The following SEL1L3 variants were observed in gnomAD, a reference collection of about 807,000 sequenced individuals.
SEL1L3 encodes the protein SEL1L family member 3, also known as protein sel-1 homolog 3.
A neutral mutation model predicts 142.8 loss-of-function variants in SEL1L3; 76 were observed. The observed-to-expected ratio is 0.53, with a 90% confidence interval of 0.44 to 0.64. The LOEUF (loss-of-function observed/expected upper bound fraction) is 0.64. Among genes scored for constraint, SEL1L3 ranks in the 30% least tolerant of loss-of-function variants. The pLI is 0.00. For synonymous variants in SEL1L3, 504 were observed against 519.6 expected, an observed-to-expected ratio of 0.97 and a Z score of 0.41; for missense variants, 1,262 against 1,381.7, an observed-to-expected ratio of 0.91 and a Z score of 1.37.
intron 20 of SEL1L3, among the ~76,000 whole-genome samples, chr4:25,762,652 A>G (rs1577566353): frequency 6.6e-6 from 1 of 152,196 alleles, no homozygotes; most frequent in East Asian, 1.9e-4. Flanking sequence ...AATAAAATGC[A>G]CACAATCCTA....
intron 1 of SEL1L3, among the ~76,000 whole-genome samples, chr4:25,851,554 A>C (rs1577698638): frequency 6.6e-6 from 1 of 152,114 alleles, no homozygotes; most frequent in East Asian, 1.9e-4. Flanking sequence ...TGTGTACTAC[A>C]CAATTTTTTT....
intron 20 of SEL1L3, among the ~76,000 whole-genome samples, chr4:25,760,409 C>T (rs144133821): frequency 1.3e-5 from 2 of 152,168 alleles, no homozygotes; most frequent in African/African-American, 4.8e-5. Flanking sequence ...CATAACAGAA[C>T]GATTTATATT....
intron 2 of SEL1L3, among the ~76,000 whole-genome samples, chr4:25,846,916 A>G (rs369500907): frequency 5.3e-5 from 8 of 150,198 alleles, no homozygotes; most frequent in African/African-American, 1.9e-4. Context: ...CCATCTCAAA[A>G]AAAAAAAAAA....
the SEL1L3 span, among the ~76,000 whole-genome samples, chr4:25,714,504 C>CTTTCTTTCTTTCTTTCTTTCTT: frequency 3.0e-5 from 1 of 32,898 alleles, no homozygotes; most frequent in South Asian, 8.0e-4. Context: ...CTTTCTTTTT[C>CTTTCTTTCTTTCTTTCTTTCTT]TTTCTTTCTT....
At chr4:25,755,497 TTA>T (rs1223762995) in intron 23 of SEL1L3, among the ~76,000 whole-genome samples, 1 of 152,138 alleles carries the variant, frequency 6.6e-6, no homozygotes, top group African/African-American at 2.4e-5. Flanking sequence ...TAAATAATTT[TTA>T]TGATTGATCC....
intron 7 of SEL1L3, among the ~76,000 whole-genome samples, 165 bp from the exon 8 acceptor site, chr4:25,820,105 C>G (rs546397453): frequency 3.7e-4 from 57 of 152,214 alleles, no homozygotes; most frequent in Non-Finnish European, 7.1e-4. Context: ...GTCATTGGTA[C>G]TAATTCAAGG....
chr4:25,722,436 T>G, the SEL1L3 span, among the ~76,000 whole-genome samples: 2 of 152,136 alleles, frequency 1.3e-5, no homozygotes, highest in Non-Finnish European at 2.9e-5. Context: ...CCATTTAAGA[T>G]GAACATGCCT....
At chr4:25,745,395 A>G, downstream of SEL1L3, among the ~76,000 whole-genome samples, 1 of 109,648 alleles carries the variant, frequency 9.1e-6, no homozygotes, top group East Asian at 2.4e-4. Flanking sequence ...ACTCAGTCTC[A>G]AAAAAAAAAA....
At chr4:25,848,773 T>C (rs1271668508) in intron 1 of SEL1L3, among the ~76,000 whole-genome samples, 7 of 152,182 alleles carry the variant, frequency 4.6e-5, no homozygotes, top group East Asian at 1.9e-4. Context: ...GCACTCTTAA[T>C]GAGAATGTAA....
In SEL1L3 at chr4:25,819,825, C is replaced by A; in HGVS notation, c.1406G>T (p.Gly469Val). ...SVYASAAKHG[G>V]ERQEACHLHN... is the part of the protein sequence containing the mutation. ...ACACTTACATGCTTCTTGTCTCTCG[C>A]CCCCGTGCTTTGCTGCAGATGCATA... Residue 469 changes from glycine to valine, a missense_variant, in exon 8 of 24, where the codon GGC (glycine) becomes GTC (valine). Physicochemically the swap from Gly to Val is moderately radical, Grantham distance 109. Coordinates refer to ENST00000399878, the MANE Select transcript of SEL1L3 (RefSeq NM_015187.5). 1 of 1,612,134 alleles carries A rather than the reference C, an allele frequency of 6.2e-7. No individual in the cohort carries two copies. Among genetic ancestry groups the A allele is most frequent in the South Asian group, 1.1e-5 (1 of 90,574 alleles).
At chr4:25,831,592 C>T (rs1715451319) in intron 5 of SEL1L3, among the ~76,000 whole-genome samples, 1 of 150,744 alleles carries the variant, frequency 6.6e-6, no homozygotes, top group Non-Finnish European at 1.5e-5. Flanking sequence ...GGGGCGCCAT[C>T]TTAGCTCACT....
At chr4:25,758,098 A>C (rs1447139594) in intron 21 of SEL1L3, among the ~76,000 whole-genome samples, 1 of 152,234 alleles carries the variant, frequency 6.6e-6, no homozygotes, top group African/African-American at 2.4e-5. Flanking sequence ...GTCAAGCAAG[A>C]CGCTGAAGAA....
the SEL1L3 span, among the ~76,000 whole-genome samples, chr4:25,725,024 C>A: frequency 6.6e-6 from 1 of 152,052 alleles, no homozygotes; most frequent in Non-Finnish European, 1.5e-5. Flanking sequence ...CATTTCAGCC[C>A]CTGTGCACAT....
intron 9 of SEL1L3, among the ~76,000 whole-genome samples, chr4:25,807,172 A>G (rs1406546791): frequency 6.6e-6 from 1 of 152,166 alleles, no homozygotes; most frequent in Non-Finnish European, 1.5e-5. Context: ...CTTCAATAGT[A>G]TTGCATTCCG....
At chr4:25,836,793 G>A (rs970583297) in intron 2 of SEL1L3, among the ~76,000 whole-genome samples, 3 of 152,138 alleles carry the variant, frequency 2.0e-5, no homozygotes, top group Admixed American at 6.5e-5. Flanking sequence ...CACCAATATC[G>A]GCACAAATTA....
At chr4:25,791,078 C>T (rs1380007239) in intron 11 of SEL1L3, among the ~76,000 whole-genome samples, 2 of 152,212 alleles carry the variant, frequency 1.3e-5, no homozygotes, top group East Asian at 1.9e-4. Flanking sequence ...AGGCTTGTTT[C>T]GAAGTCCACT....
chr4:25,774,788 T>C lies in SEL1L3; in HGVS notation c.2669+1489A>G, dbSNP rs1297431200. On this transcript the variant is annotated intron_variant, in intron 17 of 23. Coordinates refer to ENST00000399878, the MANE Select transcript of SEL1L3 (RefSeq NM_015187.5). The stretch of plus-strand genomic sequence containing the variant: ...TGAACCCGGCAGGCGGAGGCTGCAG[T>C]GAGCCAAGATCGTGCCACTGCACCC... Among the ~76,000 whole-genome samples the C allele has an allele frequency of 5.9e-5, 9 of 152,330 alleles. No individual in the cohort carries two copies. The East Asian group carries it at 1.4e-3, about 23-fold the overall frequency.
At chr4:25,724,773 G>GAAAAAAAAAAAAAT in the SEL1L3 span, among the ~76,000 whole-genome samples, 1 of 26,480 alleles carries the variant, frequency 3.8e-5, no homozygotes, top group Non-Finnish European at 7.9e-5. Context: ...AAAAAAAAAG[G>GAAAAAAAAAAAAAT]AAAAGAAATT....
chr4:25,717,133 C>CAAACAA, the SEL1L3 span, among the ~76,000 whole-genome samples: 2 of 151,706 alleles, frequency 1.3e-5, no homozygotes, highest in South Asian at 2.1e-4. Flanking sequence ...TCTTGAAAAA[C>CAAACAA]AAACAAAAAC....
Sources: allele counts gnomAD v4.1 joint callset (sites outside exome capture counted in the v4.1 genomes callset), GRCh38; gene constraint gnomAD v4.1.1; transcripts MANE v1.5; gene names NCBI Gene and HGNC (gene_info 2026-07-23, HGNC 2026-07-21).